WDSUB1: variants seen among roughly 807,000 people sequenced by gnomAD.
The protein encoded by WDSUB1 is WD repeat, sterile alpha motif and U-box domain containing 1, also known as WD repeat, SAM and U-box domain-containing protein 1.
WDSUB1 carries 49 observed loss-of-function variants against 53.9 expected under a neutral mutation model. The observed-to-expected ratio is 0.91, with a 90% CI of 0.72 to 1.15. The LOEUF (loss-of-function observed/expected upper bound fraction) is 1.15. WDSUB1 is among the 50% of genes most tolerant of loss of function. The pLI, the probability that WDSUB1 is intolerant of heterozygous loss-of-function variation, is 0.00. For synonymous variants in WDSUB1, 194 were observed against 200.6 expected (o/e 0.97, Z 0.28); for missense variants, 514 against 562.0 (o/e 0.91, Z 0.86).
intron 10 of WDSUB1, among the ~76,000 whole-genome samples, chr2:159,241,834 T>G (rs1456396006): frequency 7.0e-6 from 1 of 143,636 alleles, no homozygotes; most frequent in African/African-American, 2.8e-5. Context: ...TGCCTCAGCC[T>G]CCCAAGTAGC....
intron 10 of WDSUB1, among the ~76,000 whole-genome samples, chr2:159,247,886 AATATATATAT>A (rs373694392): frequency 9.4e-5 from 6 of 63,826 alleles, no homozygotes; most frequent in Admixed American, 2.4e-4. Context: ...AAATTAAATA[AATATATATAT>A]ATATATATAT....
intron 10 of WDSUB1, among the ~76,000 whole-genome samples, chr2:159,236,525 A>G (rs922628757): frequency 1.3e-5 from 2 of 152,234 alleles, no homozygotes; most frequent in African/African-American, 4.8e-5. Context: ...TAAACTGCCC[A>G]TCAGAGCTGT....
At chr2:159,237,549 C>T (rs1429688637) in intron 10 of WDSUB1, among the ~76,000 whole-genome samples, 1 of 151,948 alleles carries the variant, frequency 6.6e-6, no homozygotes, top group Non-Finnish European at 1.5e-5. Flanking sequence ...AACTATAAAA[C>T]AAGGTACCTT....
chr2:159,252,674 A>T (rs2060975640), intron 9 of WDSUB1, among the ~76,000 whole-genome samples: 1 of 152,240 alleles, frequency 6.6e-6, no homozygotes. Context: ...TTAACAATAA[A>T]TGCAGTTACA....
In WDSUB1 at chr2:159,271,103, C is replaced by G. The variant is rs1366513150; in HGVS notation, c.770+599G>C. 3.3e-5 allele frequency among the ~76,000 whole-genome samples: 5 copies of G among 152,166 alleles called. No individual in the cohort carries two copies. In the East Asian group the frequency reaches 9.6e-4, roughly 29 times the overall value. On this transcript the variant is annotated intron_variant, in intron 5 of 10. Coordinates refer to ENST00000359774, the MANE Select transcript of WDSUB1 (RefSeq NM_001128212.3). The stretch of plus-strand genomic sequence containing the variant: ...GTACAGGCTAGGATACAAAACAACA[C>G]TGCTATAGAAGTATTAATTGTTCAG...
intron 7 of WDSUB1, 30 bp downstream of exon 7, chr2:159,257,909 AAATTAT>A (rs759912095): frequency 6.2e-7 from 1 of 1,609,290 alleles, no homozygotes; most frequent in African/African-American, 1.3e-5. Context: ...ACTAATTTTT[AAATTAT>A]ATTAATACAA....
chr2:159,282,873 C>A lies in WDSUB1; in HGVS notation c.197G>T (p.Gly66Val). 4 of 1,614,060 alleles carry A rather than the reference C, an allele frequency of 2.5e-6. No homozygotes were observed. Among genetic ancestry groups the A allele is most frequent in the Non-Finnish European group, 3.4e-6 (4 of 1,180,012 alleles). Reference protein sequence around the residue: ...AVHCCCFSPSGHILASCSTDG... With the variant: ...AVHCCCFSPSVHILASCSTDG... ...TGTTGAACACGATGCCAAAATATGTCCTGAAGGGGAGAAACAGCAGCAGTG... is the reference window on the plus strand; with the variant it reads ...TGTTGAACACGATGCCAAAATATGTACTGAAGGGGAGAAACAGCAGCAGTG... The change falls in exon 2 of 11, where the codon GGA becomes GTA. Residue 66 changes from glycine to valine, a missense_variant. By Grantham distance (109) the Gly-to-Val change is moderately radical. Transcript: ENST00000359774.
intron 9 of WDSUB1, 100 bp from the exon 10 acceptor site, chr2:159,248,612 G>A: frequency 7.5e-7 from 1 of 1,325,952 alleles, no homozygotes; most frequent in South Asian, 2.0e-5. Context: ...TGTTGTTGGG[G>A]TTGATTTTGA....
intron 3 of WDSUB1, among the ~76,000 whole-genome samples, chr2:159,278,285 G>A (rs1456604081): frequency 6.6e-6 from 1 of 152,114 alleles, no homozygotes; most frequent in Non-Finnish European, 1.5e-5. Context: ...AAATTAGGGA[G>A]GGAGTTTAAC....
intron 5 of WDSUB1, among the ~76,000 whole-genome samples, chr2:159,261,836 C>A (rs1441516469): frequency 3.9e-5 from 4 of 103,304 alleles, no homozygotes; most frequent in African/African-American, 1.5e-4. Flanking sequence ...GAAAACTGGT[C>A]AACTGAAACT....
intron 5 of WDSUB1, among the ~76,000 whole-genome samples, chr2:159,268,186 A>G (rs917079030): frequency 6.6e-6 from 1 of 152,240 alleles, no homozygotes; most frequent in Non-Finnish European, 1.5e-5. Flanking sequence ...TTAGTTCATC[A>G]CTATGAACAT....
At chr2:159,248,344 CT>C in intron 10 of WDSUB1, 27 bp downstream of exon 10, 2 of 1,602,512 alleles carry the variant, frequency 1.2e-6, no homozygotes. Context: ...AAAACATCCC[CT>C]GCAACTTAGT....
At chr2:159,252,050 C>G (rs1278773958) in intron 9 of WDSUB1, among the ~76,000 whole-genome samples, 1 of 152,198 alleles carries the variant, frequency 6.6e-6, no homozygotes, top group East Asian at 1.9e-4. Flanking sequence ...CCAAGCTGGT[C>G]ACTGACTCAC....
At chr2:159,254,767 T>C (rs971569975) in intron 9 of WDSUB1, among the ~76,000 whole-genome samples, 2 of 152,240 alleles carry the variant, frequency 1.3e-5, no homozygotes, top group South Asian at 4.1e-4. Context: ...TTGTGAGTTT[T>C]TTTTAAAAAC....
At chr2:159,286,011 G>A (rs2061787462) in intron 1 of WDSUB1, among the ~76,000 whole-genome samples, 2 of 152,018 alleles carry the variant, frequency 1.3e-5, no homozygotes, top group East Asian at 3.9e-4. Context: ...GCATTCAGTG[G>A]GAAGTACCGA....
chr2:159,273,898 G>A (rs970060828), intron 4 of WDSUB1, among the ~76,000 whole-genome samples: 3 of 152,106 alleles, frequency 2.0e-5, no homozygotes, highest in African/African-American at 7.2e-5. Context: ...GGATAATTAT[G>A]AACAACAAAA....
At chr2:159,254,444 C>A (rs114432640) in intron 9 of WDSUB1, among the ~76,000 whole-genome samples, 1 of 151,988 alleles carries the variant, frequency 6.6e-6, no homozygotes, top group Admixed American at 6.6e-5. Flanking sequence ...GCCTGTGGTT[C>A]CAGCTACTCA....
At chr2:159,260,035 G>A (rs7603683) in intron 5 of WDSUB1, among the ~76,000 whole-genome samples, 192 bp from the exon 6 acceptor site, 6,123 of 152,188 alleles carry the variant, frequency 0.04, 395 homozygotes, top group African/African-American at 0.14. Flanking sequence ...CAGGCGCAGC[G>A]GCTCACGCCT....
At chr2:159,265,293 C>CACCACACACACA (rs1457302879) in intron 5 of WDSUB1, among the ~76,000 whole-genome samples, 1 of 149,360 alleles carries the variant, frequency 6.7e-6, no homozygotes, top group Non-Finnish European at 1.5e-5. Flanking sequence ...AGCACACACA[C>CACCACACACACA]CACACACACA....
Sources: allele counts gnomAD v4.1 joint callset (sites outside exome capture counted in the v4.1 genomes callset), GRCh38; gene constraint gnomAD v4.1.1; transcripts MANE v1.5; gene names NCBI Gene and HGNC (gene_info 2026-07-23, HGNC 2026-07-21).